The following PFDN6 variants were observed in gnomAD, a reference collection of about 807,000 sequenced individuals.
PFDN6 encodes the protein HLA class II region expressed gene KE2.
PFDN6 carries 5 observed loss-of-function variants against 19.3 expected under a neutral mutation model. That is an observed-to-expected ratio of 0.26 (90% CI 0.14 to 0.55). PFDN6 has a LOEUF of 0.55. PFDN6 is among the 20% of genes least tolerant of loss of function. PFDN6 has a pLI of 0.94. For missense variants in PFDN6, 101 were observed against 149.4 expected, an observed-to-expected ratio of 0.68 and a Z score of 1.69; for synonymous variants, 51 against 63.4, an observed-to-expected ratio of 0.80 and a Z score of 0.93.
chr6:33,289,516 T>C, upstream of PFDN6: 1 of 1,106,800 alleles, frequency 9.0e-7, no homozygotes, highest in African/African-American at 1.6e-5. Flanking sequence ...TCCCTAAACA[T>C]GTCAGAACTA....
upstream of PFDN6, chr6:33,289,507 C>T (rs772042785): frequency 9.7e-5 from 114 of 1,178,080 alleles, no homozygotes; most frequent in Non-Finnish European, 1.2e-4. Context: ...GAACTCCACT[C>T]CCTAAACATG....
upstream of PFDN6, chr6:33,289,580 T>C (rs1767095597): frequency 1.4e-6 from 1 of 714,748 alleles, no homozygotes; most frequent in Non-Finnish European, 2.0e-6. Flanking sequence ...TTCCCAGCAT[T>C]CCTTGTTTAC....
rs1262750885 is a variant in PFDN6 at position 33,289,908 on chromosome 6, C to A, written c.52C>A (p.Gln18Lys). ...KLQGEVEKYQQLQKDLSKSMS... is the reference protein window; with the variant it reads ...KLQGEVEKYQKLQKDLSKSMS... ...ACAGGGAGAAGTGGAGAAATATCAACAGCTACAGAAGGGTAAGGGAACAGG... is the reference window on the plus strand; with the variant it reads ...ACAGGGAGAAGTGGAGAAATATCAAAAGCTACAGAAGGGTAAGGGAACAGG... Residue 18 changes from glutamine to lysine, a missense_variant, in exon 1 of 4, where the codon CAG becomes AAG. Physicochemically the swap from Gln to Lys is moderately conservative, Grantham distance 53. Transcript: ENST00000374606. 1 of 1,609,104 alleles carries A rather than the reference C, an allele frequency of 6.2e-7. No homozygotes were observed. The highest frequency in any genetic ancestry group is 1.1e-5 in the South Asian group (1 of 90,298).
At position 33,289,712 on chromosome 6, in the gene PFDN6, G is replaced by T. The variant is rs974526554; in HGVS notation, c.-145G>T. ...CAGGGTGGAGTCGATATCCGGGACG[G>T]GGGGGAGGTTGCGGTGCCCCTCAGG... On this transcript the variant is annotated 5_prime_UTR_variant, in exon 1 of 4. Transcript: ENST00000374606. 1 of 630,934 alleles carries T rather than the reference G, an allele frequency of 1.6e-6. No individual in the cohort carries two copies. The allele number at this position is 630,934 out of a possible 1,614,324, so 39.1% of individuals were successfully genotyped here. A position where few individuals can be genotyped will look rare whatever the true frequency, so the allele number is the denominator to read the frequency against.
In PFDN6 at chr6:33,290,856, G is replaced by T. The variant is rs995400492; in HGVS notation, c.*11G>T. On this transcript the variant is annotated 3_prime_UTR_variant, in exon 4 of 4. Coordinates refer to ENST00000374606, the MANE Select transcript of PFDN6 (RefSeq NM_001185181.3). ...CCTGGCAAGGCCTGACCCCATGGTG[G>T]GGGGAGGGGAGGGGAGGGGAGGGAA... is the stretch of plus-strand genomic sequence containing the variant. 1.3e-6 allele frequency: 2 copies of T among 1,590,074 alleles called. No individual in the cohort carries two copies. Among genetic ancestry groups the T allele is most frequent in the South Asian group, 1.1e-5 (1 of 90,198 alleles).
At position 33,290,368 on chromosome 6, in the gene PFDN6, C is replaced by T. The variant is rs376399387; in HGVS notation, c.178C>T (p.Leu60=). The part of the protein sequence containing the change: ...LDGSNVVFKL[L]GPVLVKQELG... Reference sequence around the variant, plus strand: ...TGGGTCCAACGTGGTCTTTAAACTTCTGGGTCCGGTGCTAGTCAAACAGGA... The same window carrying T: ...TGGGTCCAACGTGGTCTTTAAACTTTTGGGTCCGGTGCTAGTCAAACAGGA... Residue 60 remains leucine (L), a synonymous_variant, in exon 3 of 4, where the codon CTG becomes TTG. Transcript: ENST00000374606. 4 of 1,609,366 alleles carry T rather than the reference C, an allele frequency of 2.5e-6. No homozygotes were observed. In the African/African-American group the frequency reaches 5.3e-5, roughly 22 times the overall value.
At chr6:33,289,323 T>TC (rs1463153217), upstream of PFDN6, 33 of 1,404,636 alleles carry the variant, frequency 2.3e-5, no homozygotes, top group Non-Finnish European at 1.9e-5. Flanking sequence ...GGGCACGCTC[T>TC]CCTTAGAGGG....
rs1767142570 is a variant in PFDN6 at position 33,289,835 on chromosome 6, C to G, written c.-22C>G. The G allele has an allele frequency of 1.3e-6, 2 of 1,575,102 alleles. No individual in the cohort carries two copies. Among genetic ancestry groups the G allele is most frequent in the African/African-American group, 2.7e-5 (2 of 73,202 alleles). Reference sequence around the variant, plus strand: ...GAGACCCAGCGCCCTTGTCTCGCACCCAGTAGGCTTTCATCCCCGCCATGG... The same window carrying G: ...GAGACCCAGCGCCCTTGTCTCGCACGCAGTAGGCTTTCATCCCCGCCATGG... On this transcript the variant is annotated 5_prime_UTR_variant, in exon 1 of 4. Coordinates refer to ENST00000374606, the MANE Select transcript of PFDN6 (RefSeq NM_001185181.3).
Position 33,289,752 on chromosome 6 carries a change from G to C in PFDN6, c.-105G>C, listed in dbSNP as rs918165221. The C allele has an allele frequency of 2.2e-6, 2 of 920,616 alleles. No individual in the cohort carries two copies. Among genetic ancestry groups the C allele is most frequent in the African/African-American group, 1.7e-5 (1 of 60,040 alleles). 57.0% of individuals were successfully genotyped at this position (920,616 alleles called of 1,614,324 possible). A position where few individuals can be genotyped will look rare whatever the true frequency, so the allele number is the denominator to read the frequency against. On this transcript the variant is annotated 5_prime_UTR_variant, in exon 1 of 4. Transcript: ENST00000374606. ...TGCCCCTCAGGGCTACCTCTCAAGA[G>C]TGCTATCATTTCCGCAGGCCAGATC... is the stretch of plus-strand genomic sequence containing the variant.
chr6:33,289,966 C>A, intron 1 of PFDN6, 46 bp downstream of exon 1: 2 of 1,525,816 alleles, frequency 1.3e-6, no homozygotes, highest in Non-Finnish European at 1.8e-6. Flanking sequence ...CACTTACAAC[C>A]CAAAGCCATT....
chr6:33,290,004 G>A, intron 1 of PFDN6, 84 bp downstream of exon 1: 1 of 1,383,460 alleles, frequency 7.2e-7, no homozygotes, highest in East Asian at 2.3e-5. Context: ...TGCCCCATCT[G>A]GGCCCTCGCG....
chr6:33,290,566 C>T, intron 3 of PFDN6, 116 bp downstream of exon 3: 1 of 1,464,570 alleles, frequency 6.8e-7, no homozygotes, highest in Non-Finnish European at 9.2e-7. Context: ...TCCTCCAGTT[C>T]CTCCAACCCT....
intron 1 of PFDN6, 81 bp downstream of exon 1, chr6:33,290,001 T>G: frequency 7.1e-7 from 1 of 1,398,790 alleles, no homozygotes; most frequent in Non-Finnish European, 1.0e-6. Context: ...TGTTGCCCCA[T>G]CTGGGCCCTC....
In PFDN6 at chr6:33,290,439, C is replaced by A; in HGVS notation, c.249C>A (p.Ile83=). Residue 83 remains isoleucine, a synonymous_variant, in exon 3 of 4, where the codon ATC becomes ATA. Coordinates refer to ENST00000374606, the MANE Select transcript of PFDN6 (RefSeq NM_001185181.3). ...RATVGKRLDY[I]TAEIKRYESQ... ...CAGTAGGGAAGAGGCTGGACTATAT[C>A]ACAGCTGAAATGTGAGTTTTTATTC... 1 of 1,559,236 alleles carries A rather than the reference C, an allele frequency of 6.4e-7. No homozygotes were observed. Among genetic ancestry groups the A allele is most frequent in the South Asian group, 1.2e-5 (1 of 82,120 alleles).
Position 33,289,741 on chromosome 6 carries a change from A to G in PFDN6, c.-116A>G, listed in dbSNP as rs1170010396. On this transcript the variant is annotated 5_prime_UTR_variant, in exon 1 of 4. Coordinates refer to ENST00000374606, the MANE Select transcript of PFDN6 (RefSeq NM_001185181.3). ...GGAGGTTGCGGTGCCCCTCAGGGCT[A>G]CCTCTCAAGAGTGCTATCATTTCCG... The G allele has an allele frequency of 1.7e-5, 14 of 811,234 alleles. No homozygotes were observed. The Admixed American group carries it at 1.8e-4, about 10-fold the overall frequency. 50.3% of individuals were successfully genotyped at this position (811,234 alleles called of 1,614,324 possible). A position where few individuals can be genotyped will look rare whatever the true frequency, so the allele number is the denominator to read the frequency against.
In PFDN6 at chr6:33,290,324, A is replaced by G; in HGVS notation, c.136-2A>G. On this transcript the variant is annotated splice_acceptor_variant, in intron 2 of 3. Transcript: ENST00000374606. LOFTEE classifies it high-confidence loss of function. ...ATCACATATGTCCCATCCCTCCATC[A>G]GGAACTGGCCCTGCTGGATGGGTCC... 6.2e-7 allele frequency: 1 copy of G among 1,610,244 alleles called. No individual in the cohort carries two copies.
At chr6:33,290,485 T>A in intron 3 of PFDN6, 35 bp downstream of exon 3, 1 of 1,528,816 alleles carries the variant, frequency 6.5e-7, no homozygotes, top group Non-Finnish European at 8.8e-7. Context: ...TGCTGCACCC[T>A]GTGATGCAAG....
rs1767233485 is a variant in PFDN6, at chr6:33,290,399, G to A, written c.209G>A (p.Gly70Glu). Reference protein sequence around the residue: ...LGPVLVKQELGEARATVGKRL... With the variant: ...LGPVLVKQELEEARATVGKRL... ...CCGGTGCTAGTCAAACAGGAGCTGGGGGAGGCTCGGGCCACAGTAGGGAAG... is the reference window on the plus strand; with the variant it reads ...CCGGTGCTAGTCAAACAGGAGCTGGAGGAGGCTCGGGCCACAGTAGGGAAG... The change falls in exon 3 of 4, where the codon GGG becomes GAG. Residue 70 changes from glycine to glutamate, a missense_variant. This residue lies in a region of PFDN6 where 54 missense variants were observed against 108.8 expected (regional missense o/e 0.50). Coordinates refer to ENST00000374606, the MANE Select transcript of PFDN6 (RefSeq NM_001185181.3). 6.2e-7 allele frequency: 1 copy of A among 1,603,738 alleles called. No homozygotes were observed.
In PFDN6 at chr6:33,289,822, C is replaced by A. The variant is rs1452745446; in HGVS notation, c.-35C>A. 6.5e-7 allele frequency: 1 copy of A among 1,548,722 alleles called. No homozygotes were observed. Among genetic ancestry groups the A allele is most frequent in the Non-Finnish European group, 8.7e-7 (1 of 1,144,774 alleles). ...CCTTCCAGAGAGTGAGACCCAGCGC[C>A]CTTGTCTCGCACCCAGTAGGCTTTC... On this transcript the variant is annotated 5_prime_UTR_variant, in exon 1 of 4. Coordinates refer to ENST00000374606, the MANE Select transcript of PFDN6 (RefSeq NM_001185181.3).
Sources: allele counts gnomAD v4.1 joint callset, GRCh38; gene constraint gnomAD v4.1.1; regional missense constraint gnomAD v4.1.1; transcripts MANE v1.5; gene names NCBI Gene and HGNC (gene_info 2026-07-23, HGNC 2026-07-21).